Variants in XKR4 observed in about 807,000 individuals in gnomAD.
XKR4 encodes the protein XK-related protein 4.
In XKR4, 12 loss-of-function variants were observed where a neutral mutation model predicts 53.9. The observed-to-expected ratio is 0.22, with a 90% CI of 0.14 to 0.36. The LOEUF is 0.36. Ranked by LOEUF, XKR4 falls within the 10% of genes least tolerant of loss-of-function variation. The pLI, the probability that XKR4 is intolerant of heterozygous loss-of-function variation, is 1.00. For missense variants in XKR4, 799 were observed against 859.5 expected (o/e 0.93, Z 0.88); for synonymous variants, 354 against 362.4 (o/e 0.98, Z 0.26).
intron 2 of XKR4, chr8:55,452,352 G>C: frequency 1.6e-6 from 1 of 628,756 alleles, no homozygotes; most frequent in Non-Finnish European, 2.9e-6. Context: ...CCCCACCAGG[G>C]GGTCTGTGAG....
intron 2 of XKR4, among the ~76,000 whole-genome samples, chr8:55,417,350 A>G (rs1585563536): frequency 6.6e-6 from 1 of 152,316 alleles, no homozygotes; most frequent in South Asian, 2.1e-4. Flanking sequence ...ATGGCCAAGC[A>G]TTTCATAAAT....
At chr8:55,220,390 A>T (rs957366568) in intron 1 of XKR4, among the ~76,000 whole-genome samples, 5 of 152,368 alleles carry the variant, frequency 3.3e-5, no homozygotes, top group African/African-American at 1.2e-4. Context: ...GACACTAAAC[A>T]TCTTATATAA....
intron 1 of XKR4, among the ~76,000 whole-genome samples, chr8:55,296,211 A>T (rs957486225): frequency 2.0e-5 from 3 of 152,040 alleles, no homozygotes; most frequent in Non-Finnish European, 2.9e-5. Context: ...AAGGAGGGAG[A>T]GGTGGGGGCA....
At chr8:55,496,486 T>A (rs1045792646) in intron 2 of XKR4, among the ~76,000 whole-genome samples, 2 of 152,216 alleles carry the variant, frequency 1.3e-5, no homozygotes, top group Non-Finnish European at 2.9e-5. Context: ...CTCTCAGAGC[T>A]TCAGTTTACT....
rs556746223 is a variant in XKR4, at chr8:55,139,258, G to A, written c.806+35964G>A. Among the ~76,000 whole-genome samples the A allele has an allele frequency of 6.4e-4, 97 of 152,188 alleles. 1 individual carries two copies. Among genetic ancestry groups the A allele is most frequent in the African/African-American group, 2.2e-3 (93 of 41,516 alleles). Reference sequence around the variant, plus strand: ...AATGTAAGAAGTGCTGGCTTAGGCCGGGTGCAGTGGCTCATGCCTCTAATC... The same window carrying A: ...AATGTAAGAAGTGCTGGCTTAGGCCAGGTGCAGTGGCTCATGCCTCTAATC... On this transcript the variant is annotated intron_variant, in intron 1 of 2. Transcript: ENST00000327381.
At chr8:55,513,616 T>A (rs1806663567) in intron 2 of XKR4, among the ~76,000 whole-genome samples, 1 of 152,176 alleles carries the variant, frequency 6.6e-6, no homozygotes, top group South Asian at 2.1e-4. Context: ...GAGTCCCTTT[T>A]CAAGAGGTTT....
At chr8:55,467,205 G>A (rs1305135229) in intron 2 of XKR4, among the ~76,000 whole-genome samples, 1 of 152,072 alleles carries the variant, frequency 6.6e-6, no homozygotes, top group Non-Finnish European at 1.5e-5. Context: ...CTCCACAATA[G>A]GAAAATGTGT....
At chr8:55,470,138 T>C (rs1427620323) in intron 2 of XKR4, among the ~76,000 whole-genome samples, 1 of 152,066 alleles carries the variant, frequency 6.6e-6, no homozygotes, top group African/African-American at 2.4e-5. Flanking sequence ...AGATAAGTAA[T>C]GTTCACAAGG....
intron 1 of XKR4, among the ~76,000 whole-genome samples, chr8:55,335,041 C>T (rs1803439628): frequency 6.6e-6 from 1 of 152,166 alleles, no homozygotes; most frequent in African/African-American, 2.4e-5. Context: ...AGGGTCAGTT[C>T]TACTGCTATT....
chr8:55,276,066 C>T (rs920490815), intron 1 of XKR4, among the ~76,000 whole-genome samples: 3 of 152,308 alleles, frequency 2.0e-5, no homozygotes, highest in Middle Eastern at 6.8e-3. Flanking sequence ...TGTTAAGGCT[C>T]CGGGTAAATT....
intron 2 of XKR4, among the ~76,000 whole-genome samples, chr8:55,380,516 GACA>G (rs1360635318): frequency 3.9e-5 from 6 of 152,228 alleles, no homozygotes; most frequent in South Asian, 2.1e-4. Flanking sequence ...CAGACATTGA[GACA>G]ACAACAAGAA....
chr8:55,292,787 C>T (rs1231763491), intron 1 of XKR4, among the ~76,000 whole-genome samples: 1 of 152,146 alleles, frequency 6.6e-6, no homozygotes, highest in Non-Finnish European at 1.5e-5. Flanking sequence ...ATTTTCCTCT[C>T]AGTACTGTGT....
At chr8:55,141,464 C>T (rs1019498466) in intron 1 of XKR4, among the ~76,000 whole-genome samples, 2 of 152,050 alleles carry the variant, frequency 1.3e-5, no homozygotes, top group African/African-American at 2.4e-5. Flanking sequence ...CCATCTTCCT[C>T]AGGGACTTTA....
At chr8:55,417,921 C>T (rs1467938791) in intron 2 of XKR4, among the ~76,000 whole-genome samples, 1 of 152,032 alleles carries the variant, frequency 6.6e-6, no homozygotes, top group Non-Finnish European at 1.5e-5. Flanking sequence ...ATCAGGAGCT[C>T]GTGTCATTCC....
intron 2 of XKR4, among the ~76,000 whole-genome samples, chr8:55,380,210 G>A (rs79441971): frequency 0.027 from 4,175 of 152,260 alleles, 168 homozygotes; most frequent in African/African-American, 0.095. Context: ...GAAATCATAG[G>A]TTTTAGGCAC....
chr8:55,304,283 C>T (rs1272470921), intron 1 of XKR4, among the ~76,000 whole-genome samples: 1 of 151,826 alleles, frequency 6.6e-6, no homozygotes, highest in Non-Finnish European at 1.5e-5. Context: ...GAGCAGGTTT[C>T]AGTTTCCATG....
chr8:55,355,309 G>A (rs1259960785), intron 1 of XKR4, among the ~76,000 whole-genome samples: 1 of 152,022 alleles, frequency 6.6e-6, no homozygotes, highest in Non-Finnish European at 1.5e-5. Flanking sequence ...AGAAGACGGA[G>A]AGGAGGAAAA....
chr8:55,148,622 C>G (rs2129355297), intron 1 of XKR4, among the ~76,000 whole-genome samples: 1 of 152,104 alleles, frequency 6.6e-6, no homozygotes, highest in African/African-American at 2.4e-5. Flanking sequence ...TTTATTTTCC[C>G]CAGCAAACCA....
chr8:55,262,904 G>T (rs190837184), intron 1 of XKR4, among the ~76,000 whole-genome samples: 1 of 152,132 alleles, frequency 6.6e-6, no homozygotes, highest in Non-Finnish European at 1.5e-5. Flanking sequence ...TGTGGTCCAC[G>T]GGGCAAGAGC....
Sources: gnomAD v4.1 joint callset for allele counts (sites outside exome capture counted in the v4.1 genomes callset) on GRCh38, gnomAD v4.1.1 for gene constraint, MANE v1.5 for transcripts, NCBI Gene and HGNC (gene_info 2026-07-23, HGNC 2026-07-21) for gene names.